The following NEK7 variants were observed in gnomAD, a reference collection of about 807,000 sequenced individuals.
NEK7 encodes serine/threonine-protein kinase Nek7.
In NEK7, 18 loss-of-function variants were observed where a neutral mutation model predicts 44.6. That is an observed-to-expected ratio of 0.40 (90% CI 0.28 to 0.60). The LOEUF (loss-of-function observed/expected upper bound fraction) is 0.60. Ranked by LOEUF, NEK7 falls within the 20% of genes least tolerant of loss-of-function variation. The pLI is 0.38. For synonymous variants in NEK7, 130 were observed against 121.1 expected (o/e 1.07, Z -0.48); for missense variants, 256 against 366.5 (o/e 0.70, Z 2.46).
intron 1 of NEK7, among the ~76,000 whole-genome samples, chr1:198,178,686 T>TTTGTTGTTG (rs71133918): frequency 1.3e-5 from 2 of 151,650 alleles, no homozygotes; most frequent in African/African-American, 4.8e-5. Flanking sequence ...CCTGCCATTT[T>TTTGTTGTTG]TTGTTGTTGT....
intron 7 of NEK7, among the ~76,000 whole-genome samples, chr1:198,287,253 G>C (rs778045160): frequency 2.6e-5 from 4 of 152,068 alleles, no homozygotes; most frequent in Non-Finnish European, 5.9e-5. Flanking sequence ...AGGCCGAAGC[G>C]GGTGGATCAC....
At chr1:198,229,274 G>T (rs1571552071) in intron 1 of NEK7, among the ~76,000 whole-genome samples, 1 of 152,186 alleles carries the variant, frequency 6.6e-6, no homozygotes, top group African/African-American at 2.4e-5. Flanking sequence ...TTTCTGGGGA[G>T]GGCATGGAAG....
intron 1 of NEK7, among the ~76,000 whole-genome samples, chr1:198,184,747 C>T (rs548870475): frequency 2.0e-4 from 31 of 152,214 alleles, no homozygotes; most frequent in African/African-American, 5.8e-4. Flanking sequence ...TGACTCACTG[C>T]GGCTTCGAAC....
intron 8 of NEK7, among the ~76,000 whole-genome samples, chr1:198,293,330 G>A (rs911514346): frequency 2.6e-5 from 4 of 151,720 alleles, no homozygotes; most frequent in Non-Finnish European, 5.9e-5. Context: ...AAAAATATAC[G>A]TTTGAACATC....
chr1:198,229,806 C>T (rs1666333373), intron 1 of NEK7, among the ~76,000 whole-genome samples: 1 of 148,934 alleles, frequency 6.7e-6, no homozygotes, highest in Non-Finnish European at 1.5e-5. Context: ...TTATGGGATA[C>T]TGTAGAAATG....
At chr1:198,277,524 A>G (rs2102979674) in intron 5 of NEK7, among the ~76,000 whole-genome samples, 1 of 152,042 alleles carries the variant, frequency 6.6e-6, no homozygotes, top group South Asian at 2.1e-4. Flanking sequence ...TGATATTTCA[A>G]ATCACCAGGG....
At chr1:198,188,792 CACTT>C (rs1228562922) in intron 1 of NEK7, among the ~76,000 whole-genome samples, 2 of 152,008 alleles carry the variant, frequency 1.3e-5, no homozygotes, top group Non-Finnish European at 2.9e-5. Context: ...GTTAATAAAA[CACTT>C]GTATAATTTA....
chr1:198,187,481 T>C (rs1664955091), intron 1 of NEK7, among the ~76,000 whole-genome samples: 1 of 152,152 alleles, frequency 6.6e-6, no homozygotes, highest in Admixed American at 6.6e-5. Flanking sequence ...ATTCAGATAC[T>C]CCCGTGGCTG....
chr1:198,233,974 C>A (rs1296993187), intron 2 of NEK7, among the ~76,000 whole-genome samples: 1 of 151,712 alleles, frequency 6.6e-6, no homozygotes, highest in Non-Finnish European at 1.5e-5. Context: ...AGCAGTCTTT[C>A]CTTGGAAATG....
chr1:198,245,523 AG>A (rs559439686), intron 2 of NEK7, among the ~76,000 whole-genome samples: 17 of 152,348 alleles, frequency 1.1e-4, no homozygotes, highest in African/African-American at 4.1e-4. Context: ...GGTATGAAAA[AG>A]GAAGTTATTC....
intron 2 of NEK7, among the ~76,000 whole-genome samples, chr1:198,248,843 T>C (rs926473463): frequency 3.3e-5 from 5 of 152,050 alleles, no homozygotes; most frequent in African/African-American, 1.2e-4. Context: ...GGAGTTCTTT[T>C]TTTGTGTGTG....
intron 1 of NEK7, among the ~76,000 whole-genome samples, chr1:198,200,860 T>C (rs1345603273): frequency 6.6e-6 from 1 of 152,174 alleles, no homozygotes; most frequent in Non-Finnish European, 1.5e-5. Flanking sequence ...CCTTTGGTGC[T>C]TTCTATACTC....
intron 9 of NEK7, among the ~76,000 whole-genome samples, chr1:198,307,146 A>G (rs2103028464): frequency 6.6e-6 from 1 of 152,256 alleles, no homozygotes; most frequent in Non-Finnish European, 1.5e-5. Context: ...CTCATGGCAC[A>G]AAGGGAAACA....
intron 3 of NEK7, among the ~76,000 whole-genome samples, chr1:198,261,918 G>GTATATCTGTTTA (rs1653487629): frequency 6.6e-6 from 1 of 151,732 alleles, no homozygotes; most frequent in African/African-American, 2.4e-5. Context: ...ATCTGTTTAT[G>GTATATCTGTTTA]TGTAGTACTG....
chr1:198,264,562 A>G (rs1185405911), intron 5 of NEK7, among the ~76,000 whole-genome samples: 1 of 151,994 alleles, frequency 6.6e-6, no homozygotes, highest in Non-Finnish European at 1.5e-5. Flanking sequence ...GTCTCTGGAC[A>G]TGAGTAAAAG....
chr1:198,322,213 T>G lies in NEK7; in HGVS notation c.*2691T>G, dbSNP rs1389871399. 1 of 152,154 alleles carries G rather than the reference T, an allele frequency of 6.6e-6. No homozygotes were observed. Among genetic ancestry groups the G allele is most frequent in the Non-Finnish European group, 1.5e-5 (1 of 67,968 alleles). The allele number at this position is 152,154 out of a possible 1,614,324, so 9.4% of individuals were successfully genotyped here. A position where few individuals can be genotyped will look rare whatever the true frequency, so the allele number is the denominator to read the frequency against. On this transcript the variant is annotated 3_prime_UTR_variant, in exon 10 of 10. Transcript: ENST00000367385. The stretch of plus-strand genomic sequence containing the variant: ...CACATTAAATGTTTATTCTTTAAAA[T>G]GAATGTATTATGTTTTTAACCCACA...
intron 1 of NEK7, among the ~76,000 whole-genome samples, chr1:198,192,494 G>A (rs2102769824): frequency 6.6e-6 from 1 of 152,160 alleles, no homozygotes; most frequent in South Asian, 2.1e-4. Flanking sequence ...AGTTTCTTTG[G>A]TAGGGACCAG....
At chr1:198,233,538 G>A (rs896465885) in intron 2 of NEK7, among the ~76,000 whole-genome samples, 3 of 151,958 alleles carry the variant, frequency 2.0e-5, no homozygotes, top group Non-Finnish European at 2.9e-5. Context: ...TTGTTTGGAC[G>A]GTATTTCTGA....
At chr1:198,210,604 A>T (rs2102816396) in intron 1 of NEK7, among the ~76,000 whole-genome samples, 1 of 138,104 alleles carries the variant, frequency 7.2e-6, no homozygotes, top group Non-Finnish European at 1.5e-5. Flanking sequence ...GAGTAAAAGT[A>T]TATGAAAAAA....
Sources: allele counts gnomAD v4.1 joint callset (sites outside exome capture counted in the v4.1 genomes callset), GRCh38; gene constraint gnomAD v4.1.1; transcripts MANE v1.5; gene names NCBI Gene and HGNC (gene_info 2026-07-23, HGNC 2026-07-21).